The following STK39 variants were observed in gnomAD, a reference collection of about 807,000 sequenced individuals.
STK39 encodes the protein STE20/SPS1-related proline-alanine-rich protein kinase.
STK39 carries 20 observed loss-of-function variants against 77.8 expected under a neutral mutation model. The observed-to-expected ratio is 0.26, with a 90% confidence interval of 0.18 to 0.37. STK39 has a LOEUF of 0.37. STK39 is among the 10% of genes least tolerant of loss of function. The probability of loss-of-function intolerance (pLI) is 1.00; values close to 1 mark genes in which losing one functional copy is unlikely to be tolerated. For synonymous variants in STK39, 246 were observed against 234.1 expected, an observed-to-expected ratio of 1.05 and a Z score of -0.47; for missense variants, 479 against 656.5, an observed-to-expected ratio of 0.73 and a Z score of 2.95.
In STK39 at chr2:168,225,978, T is replaced by C. The variant is rs532000912; in HGVS notation, c.208+21250A>G. Among the ~76,000 whole-genome samples, 6 of 152,250 alleles carry C rather than the reference T, an allele frequency of 3.9e-5. No homozygotes were observed. The South Asian group carries it at 1.2e-3, about 32-fold the overall frequency. On this transcript the variant is annotated intron_variant, in intron 1 of 17. Transcript: ENST00000355999. ...GGAAATACAGACAGAATCCAGCAAT[T>C]AGCAGCCATAGTTGCGGCTAACAGG...
chr2:168,185,674 G>A (rs1689190678), intron 1 of STK39, among the ~76,000 whole-genome samples: 1 of 152,156 alleles, frequency 6.6e-6, no homozygotes, highest in African/African-American at 2.4e-5. Context: ...AAAAACTACA[G>A]TGTTTATTTT....
intron 10 of STK39, among the ~76,000 whole-genome samples, chr2:168,105,595 C>T (rs574185825): frequency 2.0e-5 from 3 of 152,258 alleles, no homozygotes; most frequent in Admixed American, 6.5e-5. Flanking sequence ...CAGCTGTACA[C>T]CCTGGAAAAT....
At chr2:168,012,437 T>G (rs1684292827) in intron 16 of STK39, among the ~76,000 whole-genome samples, 197 bp downstream of exon 16, 1 of 152,170 alleles carries the variant, frequency 6.6e-6, no homozygotes, top group Non-Finnish European at 1.5e-5. Flanking sequence ...CCTCCCAAAG[T>G]GCTGGGATTA....
chr2:168,224,313 G>A (rs1456505912), intron 1 of STK39, among the ~76,000 whole-genome samples: 2 of 152,006 alleles, frequency 1.3e-5, no homozygotes, highest in African/African-American at 4.8e-5. Context: ...TGATAATAAT[G>A]CTTATAAAGA....
At chr2:168,168,602 T>C (rs975875449) in intron 2 of STK39, among the ~76,000 whole-genome samples, 1 of 152,182 alleles carries the variant, frequency 6.6e-6, no homozygotes, top group Non-Finnish European at 1.5e-5. Context: ...TACTGCCTAA[T>C]CCTCATACTA....
intron 17 of STK39, among the ~76,000 whole-genome samples, chr2:167,957,516 ATCATCCCTTCTC>A (rs971960946): frequency 3.3e-5 from 5 of 152,118 alleles, no homozygotes; most frequent in Admixed American, 1.3e-4. Context: ...ACCTTCCTAA[ATCATCCCTTCTC>A]TCTCATGTGT....
At chr2:168,062,091 A>T (rs977035920) in intron 14 of STK39, among the ~76,000 whole-genome samples, 1 of 152,156 alleles carries the variant, frequency 6.6e-6, no homozygotes, top group African/African-American at 2.4e-5. Context: ...TCCAGCAGAG[A>T]CACTAAAAAA....
chr2:168,120,496 T>C (rs1029238355), intron 10 of STK39, among the ~76,000 whole-genome samples: 2 of 152,226 alleles, frequency 1.3e-5, no homozygotes, highest in Non-Finnish European at 2.9e-5. Flanking sequence ...CCTTGTATCA[T>C]GTGCACCTGA....
chr2:168,149,893 C>A (rs557095546), intron 5 of STK39, among the ~76,000 whole-genome samples: 1 of 152,324 alleles, frequency 6.6e-6, no homozygotes, highest in South Asian at 2.1e-4. Context: ...TTTACATAAA[C>A]CTACACCAAA....
chr2:168,165,709 C>A (rs1688679194), intron 3 of STK39, among the ~76,000 whole-genome samples: 1 of 151,832 alleles, frequency 6.6e-6, no homozygotes, highest in Non-Finnish European at 1.5e-5. Context: ...GAGACCTACA[C>A]AAGCAGACCC....
intron 14 of STK39, among the ~76,000 whole-genome samples, chr2:168,052,485 G>A (rs922912103): frequency 1.3e-5 from 2 of 152,148 alleles, no homozygotes; most frequent in Non-Finnish European, 2.9e-5. Context: ...AAGCAATCTA[G>A]CAAAGGAGTA....
chr2:168,164,026 T>C, intron 3 of STK39, 146 bp from the exon 4 acceptor site: 3 of 1,257,770 alleles, frequency 2.4e-6, no homozygotes, highest in Non-Finnish European at 3.2e-6. Context: ...AACAATTGAA[T>C]GGGGGCCCCA....
intron 10 of STK39, among the ~76,000 whole-genome samples, chr2:168,125,878 A>T (rs921782515): frequency 6.6e-6 from 1 of 152,174 alleles, no homozygotes; most frequent in African/African-American, 2.4e-5. Flanking sequence ...ATTTTGGCCA[A>T]ACATGAGTAT....
rs16854566 is a variant in STK39 at position 168,017,918 on chromosome 2, A to G, written c.1377-823T>C. On this transcript the variant is annotated intron_variant, in intron 14 of 17. Coordinates refer to ENST00000355999, the MANE Select transcript of STK39 (RefSeq NM_013233.3). ...AAAAGTTTTATATATTCAGTGGGCA[A>G]TTTTGCAACATTTTGCCCCATGAAT... 9.2e-3 allele frequency among the ~76,000 whole-genome samples: 1,395 copies of G among 152,208 alleles called. 21 individuals are homozygous for G. Among genetic ancestry groups the G allele is most frequent in the African/African-American group, 0.032 (1,329 of 41,530 alleles).
At chr2:168,216,279 G>C (rs1690022946) in intron 1 of STK39, among the ~76,000 whole-genome samples, 1 of 152,202 alleles carries the variant, frequency 6.6e-6, no homozygotes, top group Admixed American at 6.5e-5. Flanking sequence ...AAGGCTTCCT[G>C]TCTCCCAGAG....
intron 10 of STK39, among the ~76,000 whole-genome samples, chr2:168,121,940 G>A (rs1687417754): frequency 6.6e-6 from 1 of 152,224 alleles, no homozygotes; most frequent in Admixed American, 6.5e-5. Context: ...AGCTCTTGCT[G>A]TTTCCAGACC....
intron 17 of STK39, among the ~76,000 whole-genome samples, chr2:167,962,950 G>A (rs1356920640): frequency 1.3e-5 from 2 of 152,292 alleles, no homozygotes; most frequent in African/African-American, 4.8e-5. Context: ...CAGAGATAAT[G>A]GTAAAGCAGG....
intron 3 of STK39, among the ~76,000 whole-genome samples, chr2:168,167,086 G>A (rs893622680): frequency 1.2e-4 from 19 of 152,106 alleles, no homozygotes; most frequent in Admixed American, 1.0e-3. Flanking sequence ...CTGGAGAAGA[G>A]GACATACACA....
At chr2:167,978,960 T>TA (rs1424835644) in intron 16 of STK39, among the ~76,000 whole-genome samples, 1 of 152,208 alleles carries the variant, frequency 6.6e-6, no homozygotes, top group Non-Finnish European at 1.5e-5. Flanking sequence ...GATTATTTTT[T>TA]ATTGAGCAAT....
Sources: allele counts gnomAD v4.1 joint callset (sites outside exome capture counted in the v4.1 genomes callset), GRCh38; gene constraint gnomAD v4.1.1; transcripts MANE v1.5; gene names NCBI Gene and HGNC (gene_info 2026-07-23, HGNC 2026-07-21).